The following FLT1 variants were observed in gnomAD, a reference collection of about 807,000 sequenced individuals.
The protein encoded by FLT1 is fms related receptor tyrosine kinase 1, also known as vascular endothelial growth factor receptor 1.
Under a neutral mutation model 156.3 loss-of-function variants are expected in FLT1, and 49 were observed. That is an observed-to-expected ratio of 0.31 (90% CI 0.25 to 0.40). The LOEUF is 0.40. Among genes scored for constraint, FLT1 ranks in the 10% least tolerant of loss-of-function variants. The pLI, the probability that FLT1 is intolerant of heterozygous loss-of-function variation, is 1.00. For missense variants in FLT1, 1,322 were observed against 1,637.2 expected, an observed-to-expected ratio of 0.81 and a Z score of 3.32; for synonymous variants, 594 against 583.8, an observed-to-expected ratio of 1.02 and a Z score of -0.25.
chr13:28,393,632 G>C (rs1406607915), intron 12 of FLT1, among the ~76,000 whole-genome samples: 1 of 152,186 alleles, frequency 6.6e-6, no homozygotes. Context: ...TGACACTCAG[G>C]CTGGAGCATG....
At chr13:28,378,262 T>A (rs1312906412) in intron 14 of FLT1, among the ~76,000 whole-genome samples, 2 of 152,180 alleles carry the variant, frequency 1.3e-5, no homozygotes, top group Non-Finnish European at 2.9e-5. Flanking sequence ...TTGGCCAGGA[T>A]GGTCTCGATC....
chr13:28,304,901 G>C (rs140576437), intron 29 of FLT1, among the ~76,000 whole-genome samples: 1 of 152,118 alleles, frequency 6.6e-6, no homozygotes, highest in Non-Finnish European at 1.5e-5. Context: ...ATATTGTGTG[G>C]ATATACCATA....
chr13:28,430,044 T>C lies in FLT1; in HGVS notation c.1106+6A>G. ...TAAACTGTTATGGAAATAAGGATGG[T>C]CCTACCATACAACTTCCGGCGAGGG... On this transcript the variant is annotated splice_donor_region_variant and intron_variant, in intron 8 of 29. Transcript: ENST00000282397. The C allele has an allele frequency of 4.5e-6, 7 of 1,556,962 alleles. No homozygotes were observed. Among genetic ancestry groups the C allele is most frequent in the Non-Finnish European group, 6.2e-6 (7 of 1,127,894 alleles).
chr13:28,371,293 T>C (rs1010490772), intron 14 of FLT1, among the ~76,000 whole-genome samples: 3 of 152,226 alleles, frequency 2.0e-5, no homozygotes, highest in African/African-American at 4.8e-5. Flanking sequence ...CCTGTATCTG[T>C]GGTTTTAGTT....
At chr13:28,382,756 G>T (rs1319992353) in intron 14 of FLT1, among the ~76,000 whole-genome samples, 2 of 152,162 alleles carry the variant, frequency 1.3e-5, no homozygotes, top group Non-Finnish European at 2.9e-5. Flanking sequence ...GCAAAGGAGA[G>T]ACCATCACCT....
intron 14 of FLT1, among the ~76,000 whole-genome samples, chr13:28,374,148 T>C (rs1266363689): frequency 6.6e-6 from 1 of 152,220 alleles, no homozygotes; most frequent in Non-Finnish European, 1.5e-5. Flanking sequence ...TGCCACTTAA[T>C]TGTACACTTT....
intron 7 of FLT1, 95 bp downstream of exon 7, chr13:28,431,041 T>C (rs1877648171): frequency 2.7e-6 from 3 of 1,129,848 alleles, no homozygotes; most frequent in Non-Finnish European, 4.0e-6. Flanking sequence ...ATAATGTAAC[T>C]CTTGGCCAAC....
intron 14 of FLT1, among the ~76,000 whole-genome samples, chr13:28,382,876 C>G (rs2137445490): frequency 6.6e-6 from 1 of 152,274 alleles, no homozygotes; most frequent in South Asian, 2.1e-4. Flanking sequence ...TAAGGTCTCT[C>G]TAAGACATTT....
At chr13:28,383,335 C>T (rs1249886814) in intron 14 of FLT1, among the ~76,000 whole-genome samples, 1 of 152,126 alleles carries the variant, frequency 6.6e-6, no homozygotes, top group East Asian at 1.9e-4. Context: ...ATTGAGTTCA[C>T]ATGAAATGAT....
chr13:28,445,568 A>AAATGGAT, intron 3 of FLT1, among the ~76,000 whole-genome samples: 1 of 152,302 alleles, frequency 6.6e-6, no homozygotes, highest in African/African-American at 2.4e-5. Flanking sequence ...ATCACAGATG[A>AAATGGAT]AATGGATAAA....
Position 28,433,949 on chromosome 13 carries a change from G to A in FLT1, c.683C>T (p.Thr228Ile), listed in dbSNP as rs756038355. The part of the protein sequence containing the change: ...TNYLTHRQTN[T>I]IIDVQISTPR... Reference sequence around the variant, plus strand: ...TGTGCTTATTTGGACATCTATGATTGTATTGGCTGCAAGCATAAGAGAGAA... The same window carrying A: ...TGTGCTTATTTGGACATCTATGATTATATTGGCTGCAAGCATAAGAGAGAA... The change falls in exon 6 of 30, where the codon ACA becomes ATA. Residue 228 changes from threonine to isoleucine, a missense_variant. This residue lies in a region of FLT1 where 991 missense variants were observed against 1,254.8 expected (regional missense o/e 0.79). Transcript: ENST00000282397. 3.1e-6 allele frequency: 5 copies of A among 1,614,136 alleles called. No homozygotes were observed. The Admixed American group carries it at 5.0e-5, about 16-fold the overall frequency.
At chr13:28,407,692 C>A (rs1188072436) in intron 10 of FLT1, among the ~76,000 whole-genome samples, 1 of 152,110 alleles carries the variant, frequency 6.6e-6, no homozygotes, top group African/African-American at 2.4e-5. Flanking sequence ...AAAAGGTGAC[C>A]ATTCCTCAAG....
rs146120394 is a variant in FLT1, at chr13:28,426,448, T to G, written c.1436+711A>C. Among the ~76,000 whole-genome samples, 306 of 152,332 alleles carry G rather than the reference T, an allele frequency of 2.0e-3. 1 individual carries two copies. The highest frequency in any genetic ancestry group is 6.8e-3 in the African/African-American group (284 of 41,572). ...AAATATACACTAAGTATCTACTGTGTGCCAGCCTTGGCCCAGCCTAAAGAC... is the reference window on the plus strand; with the variant it reads ...AAATATACACTAAGTATCTACTGTGGGCCAGCCTTGGCCCAGCCTAAAGAC... On this transcript the variant is annotated intron_variant, in intron 10 of 29. Transcript: ENST00000282397.
intron 20 of FLT1, 67 bp from the exon 21 acceptor site, chr13:28,323,013 T>G: frequency 6.6e-7 from 1 of 1,526,186 alleles, no homozygotes; most frequent in Non-Finnish European, 9.1e-7. Flanking sequence ...AACCAGTCCC[T>G]CAACTGGCAA....
chr13:28,347,358 A>G (rs1295660193), intron 15 of FLT1, among the ~76,000 whole-genome samples: 2 of 146,652 alleles, frequency 1.4e-5, no homozygotes, highest in Admixed American at 6.7e-5. Context: ...CCCTGTCTCT[A>G]CTAAAAATAC....
chr13:28,478,214 C>G (rs983863837), intron 1 of FLT1, among the ~76,000 whole-genome samples: 3 of 152,182 alleles, frequency 2.0e-5, no homozygotes, highest in African/African-American at 7.2e-5. Flanking sequence ...AAGGCATCCT[C>G]CGTGTTCTCT....
intron 3 of FLT1, among the ~76,000 whole-genome samples, chr13:28,449,157 C>A (rs1276502268): frequency 6.6e-6 from 1 of 152,084 alleles, no homozygotes; most frequent in Non-Finnish European, 1.5e-5. Flanking sequence ...GTGGTACACA[C>A]CTATAGTCCC....
intron 10 of FLT1, among the ~76,000 whole-genome samples, chr13:28,412,732 T>C (rs977317388): frequency 1.0e-4 from 13 of 128,632 alleles, no homozygotes; most frequent in Non-Finnish European, 2.0e-4. Flanking sequence ...CTCACGTTCT[T>C]TTTTTTTTTT....
At chr13:28,487,740 G>C (rs992978215) in intron 1 of FLT1, among the ~76,000 whole-genome samples, 4 of 152,112 alleles carry the variant, frequency 2.6e-5, no homozygotes, top group South Asian at 2.1e-4. Context: ...ACTTACCGCT[G>C]CTGGTTTTTG....
Sources: allele counts gnomAD v4.1 joint callset (sites outside exome capture counted in the v4.1 genomes callset), GRCh38; gene constraint gnomAD v4.1.1; regional missense constraint gnomAD v4.1.1; transcripts MANE v1.5; gene names NCBI Gene and HGNC (gene_info 2026-07-23, HGNC 2026-07-21).